TRIM24: variants seen among roughly 807,000 people sequenced by gnomAD.
The protein encoded by TRIM24 is transcription intermediary factor 1-alpha.
A neutral mutation model predicts 123.9 loss-of-function variants in TRIM24; 29 were observed. That is an observed-to-expected ratio of 0.23 (90% CI 0.17 to 0.32). TRIM24 has a LOEUF of 0.32. Among genes scored for constraint, TRIM24 ranks in the 10% least tolerant of loss-of-function variants. The probability of loss-of-function intolerance (pLI) is 1.00; values close to 1 mark genes in which losing one functional copy is unlikely to be tolerated. For synonymous variants in TRIM24, 456 were observed against 461.1 expected (o/e 0.99, Z 0.14); for missense variants, 932 against 1,295.3 (o/e 0.72, Z 4.31).
chr7:138,536,856 G>T (rs1483649613), intron 6 of TRIM24, among the ~76,000 whole-genome samples: 1 of 152,202 alleles, frequency 6.6e-6, no homozygotes, highest in African/African-American at 2.4e-5. Flanking sequence ...GCTGCAGCGG[G>T]CTCCACCCAG....
chr7:138,545,456 G>A (rs527626382), intron 7 of TRIM24: 12 of 456,800 alleles, frequency 2.6e-5, no homozygotes, highest in African/African-American at 1.0e-4. Flanking sequence ...GAAGGTAATC[G>A]CAGCCAAGTT....
intron 2 of TRIM24, 39 bp downstream of exon 2, chr7:138,504,447 C>CTTTTTTTTT (rs750956455): frequency 1.9e-5 from 3 of 155,196 alleles, no homozygotes; most frequent in Admixed American, 1.6e-4. Flanking sequence ...CCTGCCAGCT[C>CTTTTTTTTT]TTTTTTTTTT....
chr7:138,528,621 A>C (rs1364713352), intron 5 of TRIM24, among the ~76,000 whole-genome samples: 1 of 152,062 alleles, frequency 6.6e-6, no homozygotes, highest in Non-Finnish European at 1.5e-5. Flanking sequence ...GTAGCAAACT[A>C]CTATTTTTGT....
rs2116555606 is a variant in TRIM24, at chr7:138,515,269, G to A, written c.541G>A (p.Glu181Lys). ...CAATGGGTTTTGTGTAGAGTGTGTT[G>A]AATGGCTCTGCAAGACGTGTATCAG... ...EANGFCVECVEWLCKTCIRAH... is the reference protein window; with the variant it reads ...EANGFCVECVKWLCKTCIRAH... Residue 181 changes from glutamate (E) to lysine (K), a missense_variant, in exon 3 of 19, where the codon GAA (glutamate) becomes AAA (lysine). Physicochemically the swap from Glu to Lys is moderately conservative, Grantham distance 56 (BLOSUM62 1). Around this residue, in one of 7 missense-constraint regions of TRIM24, gnomAD observed 74 missense variants for 163.6 expected, o/e 0.45. Coordinates refer to ENST00000343526, the MANE Select transcript of TRIM24 (RefSeq NM_015905.3). 6.2e-7 allele frequency: 1 copy of A among 1,614,076 alleles called. No individual in the cohort carries two copies. Among genetic ancestry groups the A allele is most frequent in the Non-Finnish European group, 8.5e-7 (1 of 1,179,972 alleles).
chr7:138,581,216 A>G (rs1797888248), intron 16 of TRIM24, among the ~76,000 whole-genome samples: 1 of 152,240 alleles, frequency 6.6e-6, no homozygotes, highest in African/African-American at 2.4e-5. Flanking sequence ...GAAAGTTGTC[A>G]TGCAAGAGGG....
rs751394024 is a variant in TRIM24, at chr7:138,460,797, C to G, written c.249C>G (p.Pro83=). 1.3e-6 allele frequency: 2 copies of G among 1,582,056 alleles called. No individual in the cohort carries two copies. The highest frequency in any genetic ancestry group is 1.4e-5 in the African/African-American group (1 of 71,456). Residue 83 remains proline, a synonymous_variant, in exon 1 of 19, where the codon CCC becomes CCG. Coordinates refer to ENST00000343526, the MANE Select transcript of TRIM24 (RefSeq NM_015905.3). ...ACTCTTTCTGCCAGCGCTGCCTGCC[C>G]GCGCCCCAGCGCTACCTCATGCTGC... The part of the protein sequence containing the change: ...CLHSFCQRCL[P]APQRYLMLPA...
chr7:138,508,728 T>TGTGTGCGTGTGCGTGTGC (rs1554436759), intron 2 of TRIM24, among the ~76,000 whole-genome samples: 1 of 136,296 alleles, frequency 7.3e-6, no homozygotes, highest in Admixed American at 7.4e-5. Context: ...TGCGTGTGTG[T>TGTGTGCGTGTGCGTGTGC]GTGTGTGTGT....
intron 9 of TRIM24, among the ~76,000 whole-genome samples, chr7:138,559,391 G>C (rs926175880): frequency 6.6e-6 from 1 of 152,188 alleles, no homozygotes; most frequent in East Asian, 1.9e-4. Context: ...TTTATACCCA[G>C]CAGGGACAAA....
intron 1 of TRIM24, among the ~76,000 whole-genome samples, chr7:138,463,180 G>A (rs1241560687): frequency 7.0e-6 from 1 of 142,692 alleles, no homozygotes; most frequent in Non-Finnish European, 1.5e-5. Context: ...GTGAGCCACC[G>A]CACCTGGCCT....
In TRIM24 at chr7:138,461,314, C is replaced by A. The variant is rs780519624; in HGVS notation, c.364+402C>A. 1.4e-5 allele frequency: 7 copies of A among 514,068 alleles called. No homozygotes were observed. In the East Asian group the frequency reaches 3.8e-4, roughly 28 times the overall value. The allele number at this position is 514,068 out of a possible 1,614,324, so 31.8% of individuals were successfully genotyped here. A position where few individuals can be genotyped will look rare whatever the true frequency, so the allele number is the denominator to read the frequency against. On this transcript the variant is annotated intron_variant, in intron 1 of 18. Transcript: ENST00000343526. ...AAAGCTTTGTCCAGGTCCATATGATCCTGATCATCTCGTCTATACTCACGT... is the reference window on the plus strand; with the variant it reads ...AAAGCTTTGTCCAGGTCCATATGATACTGATCATCTCGTCTATACTCACGT...
intron 6 of TRIM24, among the ~76,000 whole-genome samples, chr7:138,530,653 G>A (rs983124158): frequency 6.6e-6 from 1 of 151,352 alleles, no homozygotes; most frequent in African/African-American, 2.4e-5. Context: ...TTTTTTAAGA[G>A]GGGGGGTTTT....
intron 2 of TRIM24, among the ~76,000 whole-genome samples, chr7:138,508,688 TGTGTGCGCGC>T (rs1464301796): frequency 1.2e-3 from 110 of 91,648 alleles, no homozygotes; most frequent in Middle Eastern, 5.1e-3. Flanking sequence ...TGTGTGTGTG[TGTGTGCGCGC>T]GCGTGTGTGC....
intron 1 of TRIM24, among the ~76,000 whole-genome samples, chr7:138,470,871 T>C (rs1795258645): frequency 6.6e-6 from 1 of 152,232 alleles, no homozygotes; most frequent in Admixed American, 6.5e-5. Flanking sequence ...ATGTTATCAG[T>C]GTGTGGAGTT....
intron 1 of TRIM24, among the ~76,000 whole-genome samples, chr7:138,492,298 A>AAG (rs58762010): frequency 9.0e-4 from 134 of 148,824 alleles, no homozygotes; most frequent in Non-Finnish European, 1.6e-3. Flanking sequence ...AAAAAAAAAA[A>AAG]GGGAAAGAAA....
At chr7:138,544,887 G>A (rs1244262918) in intron 7 of TRIM24, among the ~76,000 whole-genome samples, 1 of 152,164 alleles carries the variant, frequency 6.6e-6, no homozygotes, top group South Asian at 2.1e-4. Flanking sequence ...ATTGAGTTGT[G>A]TGAGTTTCTT....
intron 4 of TRIM24, among the ~76,000 whole-genome samples, chr7:138,519,847 C>T (rs1644537791): frequency 6.6e-6 from 1 of 152,006 alleles, no homozygotes; most frequent in Admixed American, 6.6e-5. Flanking sequence ...CATTATAGTT[C>T]CTAGCAAAGC....
At chr7:138,517,643 G>T (rs1796428523) in intron 3 of TRIM24, among the ~76,000 whole-genome samples, 1 of 152,052 alleles carries the variant, frequency 6.6e-6, no homozygotes, top group Non-Finnish European at 1.5e-5. Flanking sequence ...CAAAGTGCTG[G>T]GATTACAGAT....
At chr7:138,578,294 TAAAC>T (rs981136688) in intron 14 of TRIM24, among the ~76,000 whole-genome samples, 3 of 151,662 alleles carry the variant, frequency 2.0e-5, no homozygotes, top group African/African-American at 7.3e-5. Flanking sequence ...AATAATGATG[TAAAC>T]AAACACCTGA....
intron 1 of TRIM24, among the ~76,000 whole-genome samples, chr7:138,495,839 C>T (rs571200380): frequency 6.6e-6 from 1 of 152,234 alleles, no homozygotes; most frequent in South Asian, 2.1e-4. Context: ...TTCACTTCTA[C>T]GAAATTCTTG....
Sources: gnomAD v4.1 joint callset for allele counts (sites outside exome capture counted in the v4.1 genomes callset) on GRCh38, gnomAD v4.1.1 for gene constraint, gnomAD v4.1.1 regional missense constraint, MANE v1.5 for transcripts, NCBI Gene and HGNC (gene_info 2026-07-23, HGNC 2026-07-21) for gene names.